Variants in MARCHF1 observed in about 807,000 individuals in gnomAD.
The protein encoded by MARCHF1 is E3 ubiquitin-protein ligase MARCHF1.
MARCHF1 carries 40 observed loss-of-function variants against 54.2 expected under a neutral mutation model. The ratio of observed to expected loss-of-function variants is 0.74; its 90% CI spans 0.57 to 0.96. The LOEUF (loss-of-function observed/expected upper bound fraction) is 0.96. Among genes scored for constraint, MARCHF1 ranks in the 40% least tolerant of loss-of-function variants. The probability of loss-of-function intolerance (pLI) is 0.00; values close to 1 mark genes in which losing one functional copy is unlikely to be tolerated. For missense variants in MARCHF1, 586 were observed against 656.5 expected (o/e 0.89, Z 1.17); for synonymous variants, 236 against 236.3 (o/e 1.00, Z 0.01).
At chr4:164,024,736 C>T (rs1391560595) in intron 2 of MARCHF1, among the ~76,000 whole-genome samples, 2 of 152,110 alleles carry the variant, frequency 1.3e-5, no homozygotes, top group African/African-American at 4.8e-5. Flanking sequence ...TCTCTAATGT[C>T]AGTCCTAACC....
rs75890593 is a variant in MARCHF1, at chr4:163,938,312, C to T, written c.-39+50189G>A. On this transcript the variant is annotated intron_variant, in intron 3 of 9. Transcript: ENST00000514618. Reference sequence around the variant, plus strand: ...GTATATCCACAATACAATCTCGATCCAATGATGGCAAATTACTATCTCCTC... The same window carrying T: ...GTATATCCACAATACAATCTCGATCTAATGATGGCAAATTACTATCTCCTC... 1.1e-3 allele frequency among the ~76,000 whole-genome samples: 166 copies of T among 152,266 alleles called. 2 individuals are homozygous for T. Among genetic ancestry groups the T allele is most frequent in the Non-Finnish European group, 1.6e-3 (109 of 68,020 alleles).
At chr4:163,788,895 A>C (rs772962292) in intron 4 of MARCHF1, among the ~76,000 whole-genome samples, 1 of 152,058 alleles carries the variant, frequency 6.6e-6, no homozygotes, top group Non-Finnish European at 1.5e-5. Context: ...TAGAAGCATC[A>C]CATGATTAAT....
intron 1 of MARCHF1, among the ~76,000 whole-genome samples, chr4:164,165,362 G>GTCTCTCTGTCTCTC (rs1553988288): frequency 6.7e-6 from 1 of 148,642 alleles, no homozygotes; most frequent in East Asian, 2.0e-4. Context: ...TTTTCTCTCT[G>GTCTCTCTGTCTCTC]TCTCTCTCTC....
chr4:164,224,425 C>T (rs1025135458), intron 1 of MARCHF1, among the ~76,000 whole-genome samples: 20 of 151,832 alleles, frequency 1.3e-4, no homozygotes, highest in African/African-American at 2.9e-4. Context: ...ACCTCTCTTG[C>T]TATTTGAATT....
chr4:163,762,133 T>C (rs1746843171), intron 4 of MARCHF1, among the ~76,000 whole-genome samples: 1 of 152,176 alleles, frequency 6.6e-6, no homozygotes, highest in Non-Finnish European at 1.5e-5. Context: ...GGTTTGTTTG[T>C]TTCTTAAGTA....
At chr4:163,965,765 C>G (rs1404014270) in intron 3 of MARCHF1, among the ~76,000 whole-genome samples, 1 of 152,184 alleles carries the variant, frequency 6.6e-6, no homozygotes, top group Non-Finnish European at 1.5e-5. Flanking sequence ...ATTCCTACAA[C>G]TGAAAAACTA....
chr4:163,569,498 A>C (rs921665357), intron 8 of MARCHF1, among the ~76,000 whole-genome samples: 3 of 152,176 alleles, frequency 2.0e-5, no homozygotes, highest in Non-Finnish European at 4.4e-5. Flanking sequence ...GTTCATATTT[A>C]TTCTCATCAT....
chr4:163,561,762 T>C (rs759273219), intron 8 of MARCHF1, among the ~76,000 whole-genome samples: 90 of 152,188 alleles, frequency 5.9e-4, no homozygotes, highest in Admixed American at 2.6e-4. Context: ...TTGTGAATTT[T>C]TTTTCTGTTT....
intron 1 of MARCHF1, among the ~76,000 whole-genome samples, chr4:164,263,617 TAAA>T (rs140150988): frequency 0.26 from 38,868 of 151,900 alleles, 5,596 homozygotes; most frequent in East Asian, 0.36. Context: ...AACTTAATAA[TAAA>T]AACATTTCGA....
At chr4:164,077,214 G>A (rs1042419178) in intron 2 of MARCHF1, among the ~76,000 whole-genome samples, 6 of 152,104 alleles carry the variant, frequency 3.9e-5, no homozygotes, top group Non-Finnish European at 5.9e-5. Context: ...AGAGTCTTGA[G>A]AAATAATGCC....
At chr4:163,738,246 G>C (rs548223543) in intron 4 of MARCHF1, among the ~76,000 whole-genome samples, 2 of 152,154 alleles carry the variant, frequency 1.3e-5, no homozygotes, top group Non-Finnish European at 2.9e-5. Context: ...CATGCACTTG[G>C]AGTAAACATC....
intron 1 of MARCHF1, among the ~76,000 whole-genome samples, chr4:164,112,588 T>C (rs953455844): frequency 3.3e-5 from 5 of 151,928 alleles, no homozygotes; most frequent in African/African-American, 9.7e-5. Context: ...TCAATGTACA[T>C]AGAGCTAAAG....
intron 1 of MARCHF1, among the ~76,000 whole-genome samples, chr4:164,119,027 A>C (rs1256185761): frequency 6.6e-6 from 1 of 151,512 alleles, no homozygotes; most frequent in Non-Finnish European, 1.5e-5. Flanking sequence ...AAGATAACCT[A>C]AACAACATAA....
At chr4:163,993,925 T>C (rs1753014198) in intron 2 of MARCHF1, among the ~76,000 whole-genome samples, 1 of 152,096 alleles carries the variant, frequency 6.6e-6, no homozygotes, top group African/African-American at 2.4e-5. Context: ...TGAAAAGACA[T>C]ATGGAATGAA....
At chr4:163,867,187 ATAAGCATAAAC>A (rs1750071198) in intron 3 of MARCHF1, among the ~76,000 whole-genome samples, 1 of 151,984 alleles carries the variant, frequency 6.6e-6, no homozygotes, top group Admixed American at 6.6e-5. Flanking sequence ...GAGTCACCTC[ATAAGCATAAAC>A]TATCAGTTGT....
intron 1 of MARCHF1, among the ~76,000 whole-genome samples, chr4:164,270,927 AAAAG>A (rs1733730108): frequency 6.6e-6 from 1 of 152,196 alleles, no homozygotes; most frequent in African/African-American, 2.4e-5. Flanking sequence ...AAGAAGTAGA[AAAAG>A]AAAGTTGAGG....
intron 1 of MARCHF1, among the ~76,000 whole-genome samples, chr4:164,354,630 G>C (rs1382863479): frequency 6.7e-6 from 1 of 148,534 alleles, no homozygotes; most frequent in Non-Finnish European, 1.5e-5. Context: ...AATAAGAGCT[G>C]TCTATGACAG....
At chr4:163,992,537 C>T (rs1038102597) in intron 2 of MARCHF1, among the ~76,000 whole-genome samples, 2 of 151,790 alleles carry the variant, frequency 1.3e-5, no homozygotes, top group African/African-American at 4.8e-5. Flanking sequence ...GTGATTAAAT[C>T]ATTTCAAGGC....
chr4:163,821,063 T>C (rs1319464554), intron 4 of MARCHF1, among the ~76,000 whole-genome samples: 1 of 152,094 alleles, frequency 6.6e-6, no homozygotes, highest in Non-Finnish European at 1.5e-5. Context: ...CGCACTGCAC[T>C]TGATCAACTT....
Sources: gnomAD v4.1 joint callset for allele counts (sites outside exome capture counted in the v4.1 genomes callset) on GRCh38, gnomAD v4.1.1 for gene constraint, MANE v1.5 for transcripts, NCBI Gene and HGNC (gene_info 2026-07-23, HGNC 2026-07-21) for gene names.